NYAP2: variants seen among roughly 807,000 people sequenced by gnomAD.
The protein encoded by NYAP2 is neuronal tyrosine-phosphorylated phosphoinositide-3-kinase adapter 2.
In NYAP2, 23 loss-of-function variants were observed where a neutral mutation model predicts 50.4. The ratio of observed to expected loss-of-function variants is 0.46; its 90% confidence interval spans 0.33 to 0.65. NYAP2 has a LOEUF of 0.65. Among genes scored for constraint, NYAP2 ranks in the 30% least tolerant of loss-of-function variants. The pLI is 0.02. For synonymous variants in NYAP2, 394 were observed against 365.2 expected, an observed-to-expected ratio of 1.08 and a Z score of -0.90; for missense variants, 885 against 861.0, an observed-to-expected ratio of 1.03 and a Z score of -0.35.
chr2:225,463,526 C>A (rs893647493), intron 3 of NYAP2, among the ~76,000 whole-genome samples: 2 of 152,218 alleles, frequency 1.3e-5, no homozygotes, highest in African/African-American at 4.8e-5. Flanking sequence ...GGCAGGGGAA[C>A]CTGCCCACAA....
At chr2:225,675,691 C>T in the NYAP2 span, among the ~76,000 whole-genome samples, 2 of 152,090 alleles carry the variant, frequency 1.3e-5, no homozygotes, top group East Asian at 3.9e-4. Flanking sequence ...GTTGGTACTC[C>T]TATTATAAGT....
At chr2:225,695,644 G>A in the NYAP2 span, among the ~76,000 whole-genome samples, 1 of 151,534 alleles carries the variant, frequency 6.6e-6, no homozygotes, top group East Asian at 1.9e-4. Context: ...ATGACAGTTT[G>A]TAGTTACTCA....
At chr2:225,558,623 TC>T in intron 4 of NYAP2, among the ~76,000 whole-genome samples, 1 of 152,254 alleles carries the variant, frequency 6.6e-6, no homozygotes, top group South Asian at 2.1e-4. Context: ...CAGGCTAATC[TC>T]CCCATCTCAA....
chr2:225,474,026 A>G (rs1690058782), intron 3 of NYAP2, among the ~76,000 whole-genome samples: 2 of 152,200 alleles, frequency 1.3e-5, no homozygotes, highest in Admixed American at 1.3e-4. Flanking sequence ...CTTTCTACAT[A>G]TGGCTAGCCA....
At chr2:225,476,090 G>A (rs1027706236) in intron 3 of NYAP2, among the ~76,000 whole-genome samples, 8 of 152,228 alleles carry the variant, frequency 5.3e-5, no homozygotes, top group South Asian at 2.1e-4. Flanking sequence ...AAAAATCTGT[G>A]AGGCAGATTA....
At chr2:225,504,344 C>T (rs1690665524) in intron 3 of NYAP2, among the ~76,000 whole-genome samples, 1 of 152,064 alleles carries the variant, frequency 6.6e-6, no homozygotes, top group Admixed American at 6.6e-5. Flanking sequence ...GAGGGTTTTG[C>T]CCCCAAGACT....
chr2:225,548,250 T>A lies in NYAP2; in HGVS notation c.524-33691T>A, dbSNP rs921881388. On this transcript the variant is annotated intron_variant, in intron 4 of 6. Transcript: ENST00000636099. ...TCCTGTAAGCACAATAAAAGCCACA[T>A]TTTATTCATACTTTTAAAATATGGA... Among the ~76,000 whole-genome samples, 12 of 151,052 alleles carry A rather than the reference T, an allele frequency of 7.9e-5. No individual in the cohort carries two copies. In the East Asian group the frequency reaches 2.3e-3, roughly 29 times the overall value.
chr2:225,525,411 C>T (rs1460210977), intron 4 of NYAP2, among the ~76,000 whole-genome samples: 1 of 152,104 alleles, frequency 6.6e-6, no homozygotes, highest in East Asian at 1.9e-4. Context: ...ATGCAGCATA[C>T]ACATACAAAT....
intron 3 of NYAP2, among the ~76,000 whole-genome samples, chr2:225,448,667 C>T (rs1359409835): frequency 6.6e-6 from 1 of 152,160 alleles, no homozygotes; most frequent in African/African-American, 2.4e-5. Flanking sequence ...GCCCTCTCTT[C>T]CCCCAGAGAG....
At chr2:225,404,292 G>A (rs1364270144) in intron 2 of NYAP2, among the ~76,000 whole-genome samples, 2 of 151,876 alleles carry the variant, frequency 1.3e-5, no homozygotes, top group Non-Finnish European at 2.9e-5. Flanking sequence ...CTGGATGGAA[G>A]CAGTAGCAGG....
At chr2:225,539,862 G>T (rs1574666986) in intron 4 of NYAP2, among the ~76,000 whole-genome samples, 1 of 152,102 alleles carries the variant, frequency 6.6e-6, no homozygotes, top group South Asian at 2.1e-4. Flanking sequence ...CTTATAAAAT[G>T]GAATGCTTTT....
At chr2:225,554,362 C>A (rs1395261904) in intron 4 of NYAP2, among the ~76,000 whole-genome samples, 1 of 150,846 alleles carries the variant, frequency 6.6e-6, no homozygotes, top group African/African-American at 2.4e-5. Context: ...ATTCTGTCAC[C>A]CAAGCTGGAG....
At chr2:225,667,569 A>G in the NYAP2 span, among the ~76,000 whole-genome samples, 1 of 152,176 alleles carries the variant, frequency 6.6e-6, no homozygotes, top group African/African-American at 2.4e-5. Context: ...GTAGAAAGTC[A>G]AGTCAACAGA....
At chr2:225,604,850 A>G (rs577782358) in intron 5 of NYAP2, among the ~76,000 whole-genome samples, 1 of 152,270 alleles carries the variant, frequency 6.6e-6, no homozygotes, top group South Asian at 2.1e-4. Flanking sequence ...TGATACATTC[A>G]GTGCTATGGC....
At chr2:225,410,833 C>T (rs1695026656) in intron 3 of NYAP2, among the ~76,000 whole-genome samples, 1 of 152,038 alleles carries the variant, frequency 6.6e-6, no homozygotes, top group South Asian at 2.1e-4. Context: ...CCTCAGAGGA[C>T]TAAAGTCCAA....
intron 3 of NYAP2, among the ~76,000 whole-genome samples, chr2:225,512,835 C>T (rs12329260): frequency 0.33 from 19,396 of 58,424 alleles, 2,754 homozygotes; most frequent in African/African-American, 0.5. Flanking sequence ...CTCTCTCTCT[C>T]TCTTTCTTTC....
At chr2:225,532,936 C>T in intron 4 of NYAP2, among the ~76,000 whole-genome samples, 1 of 152,156 alleles carries the variant, frequency 6.6e-6, no homozygotes, top group East Asian at 1.9e-4. Context: ...TGGCACGATA[C>T]TATGCTAGGC....
intron 3 of NYAP2, among the ~76,000 whole-genome samples, chr2:225,481,640 A>C (rs1030999407): frequency 2.0e-5 from 3 of 152,146 alleles, no homozygotes; most frequent in African/African-American, 4.8e-5. Flanking sequence ...TCTCTCTTGC[A>C]AACAATAATA....
At chr2:225,436,585 T>TC in intron 3 of NYAP2, among the ~76,000 whole-genome samples, 1 of 152,156 alleles carries the variant, frequency 6.6e-6, no homozygotes, top group South Asian at 2.1e-4. Flanking sequence ...TGACCTTATT[T>TC]CCCCATGAGG....
Sources: gnomAD v4.1 joint callset for allele counts (sites outside exome capture counted in the v4.1 genomes callset) on GRCh38, gnomAD v4.1.1 for gene constraint, MANE v1.5 for transcripts, NCBI Gene and HGNC (gene_info 2026-07-23, HGNC 2026-07-21) for gene names.